The following BTG4 variants were observed in gnomAD, a reference collection of about 807,000 sequenced individuals.
The protein encoded by BTG4 is BTG anti-proliferation factor 4.
BTG4 carries 10 observed loss-of-function variants against 19.3 expected under a neutral mutation model. The observed-to-expected ratio is 0.52, with a 90% CI of 0.32 to 0.88. The LOEUF is 0.88. Ranked by LOEUF, BTG4 falls within the 40% of genes least tolerant of loss-of-function variation. The pLI is 0.04. For missense variants in BTG4, 238 were observed against 281.9 expected (o/e 0.84, Z 1.11); for synonymous variants, 91 against 95.7 (o/e 0.95, Z 0.29).
chr11:111,419,322 T>C, the BTG4 span, among the ~76,000 whole-genome samples: 1 of 152,232 alleles, frequency 6.6e-6, no homozygotes, highest in Non-Finnish European at 1.5e-5. Context: ...ATTAGGCCTG[T>C]AACTGCCTTC....
chr11:111,417,772 GT>G, the BTG4 span: 7 of 152,210 alleles, frequency 4.6e-5, no homozygotes, highest in Admixed American at 2.0e-4. Flanking sequence ...GCATTGAAGC[GT>G]TCTCTCACTC....
intron 5 of BTG4, among the ~76,000 whole-genome samples, chr11:111,479,079 G>A (rs896469975): frequency 6.6e-6 from 1 of 151,916 alleles, no homozygotes; most frequent in Non-Finnish European, 1.5e-5. Context: ...TTAAATTTCT[G>A]AAAACAAAAA....
the BTG4 span, among the ~76,000 whole-genome samples, chr11:111,426,792 G>A: frequency 2.6e-5 from 4 of 152,176 alleles, no homozygotes; most frequent in South Asian, 2.1e-4. Flanking sequence ...AGGCAGGCCC[G>A]GGCAGGTTTG....
the BTG4 span, among the ~76,000 whole-genome samples, chr11:111,413,579 C>T: frequency 6.6e-6 from 1 of 152,216 alleles, no homozygotes; most frequent in African/African-American, 2.4e-5. Context: ...ACAGTCATAC[C>T]TAGTGAGAAA....
exon 6 of BTG4, chr11:111,467,635 T>G (rs753186275): frequency 1.8e-5 from 14 of 764,066 alleles, no homozygotes; most frequent in Non-Finnish European, 3.4e-5. Flanking sequence ...AGGTGCCTTC[T>G]TCTACCAGGT....
the BTG4 span, chr11:111,434,991 C>T: frequency 6.6e-6 from 1 of 152,418 alleles, no homozygotes; most frequent in African/African-American, 2.4e-5. Context: ...TCAGACCTCA[C>T]CTGGCCCTGG....
At chr11:111,495,808 C>T (rs1400669198) in intron 4 of BTG4, among the ~76,000 whole-genome samples, 3 of 152,190 alleles carry the variant, frequency 2.0e-5, no homozygotes, top group African/African-American at 2.4e-5. Flanking sequence ...AGGGCAAATA[C>T]TGTAAATCCT....
the BTG4 span, among the ~76,000 whole-genome samples, chr11:111,407,992 T>G: frequency 6.6e-6 from 1 of 152,188 alleles, no homozygotes; most frequent in Admixed American, 6.5e-5. Context: ...GAGGCCTCCA[T>G]GGCCACAGCC....
chr11:111,444,904 G>T, the BTG4 span, among the ~76,000 whole-genome samples: 1 of 152,100 alleles, frequency 6.6e-6, no homozygotes, highest in Admixed American at 6.5e-5. Flanking sequence ...GAGTGGTCAG[G>T]CTCTCTCCAA....
downstream of BTG4, among the ~76,000 whole-genome samples, chr11:111,465,388 G>A (rs1017047669): frequency 2.6e-5 from 4 of 152,104 alleles, no homozygotes; most frequent in African/African-American, 9.7e-5. Flanking sequence ...ATTTTAAAAT[G>A]ATTAGAGAAA....
intron 5 of BTG4, among the ~76,000 whole-genome samples, chr11:111,478,753 C>T (rs1000589889): frequency 1.3e-4 from 19 of 151,286 alleles, no homozygotes; most frequent in Admixed American, 2.0e-4. Context: ...AACAGTAAAA[C>T]GGAAGAGATA....
chr11:111,415,484 G>A, the BTG4 span, among the ~76,000 whole-genome samples: 1 of 152,212 alleles, frequency 6.6e-6, no homozygotes, highest in Non-Finnish European at 1.5e-5. Flanking sequence ...TCCTGACCTA[G>A]GTCCCAGAGA....
At chr11:111,458,447 A>G in the BTG4 span, among the ~76,000 whole-genome samples, 1 of 152,182 alleles carries the variant, frequency 6.6e-6, no homozygotes, top group East Asian at 1.9e-4. Flanking sequence ...TGCCAATGCC[A>G]TTGAGTTATG....
chr11:111,513,563 G>A (rs1867101398), upstream of BTG4: 1 of 485,784 alleles, frequency 2.1e-6, no homozygotes, highest in African/African-American at 2.0e-5. Flanking sequence ...ATGTGCGTGG[G>A]GAAGAGGGGT....
At chr11:111,423,806 C>T in the BTG4 span, among the ~76,000 whole-genome samples, 140,161 of 152,278 alleles carry the variant, frequency 0.92, 64,852 homozygotes, top group East Asian at 1. Flanking sequence ...CAGCTCCTTA[C>T]ACATAAAGAC....
chr11:111,435,924 T>A, the BTG4 span, among the ~76,000 whole-genome samples: 1 of 152,174 alleles, frequency 6.6e-6, no homozygotes, highest in African/African-American at 2.4e-5. Flanking sequence ...ATTTCCCAAA[T>A]GCTCTTCACC....
At chr11:111,491,556 T>C (rs1865416992), downstream of BTG4, among the ~76,000 whole-genome samples, 1 of 151,956 alleles carries the variant, frequency 6.6e-6, no homozygotes, top group South Asian at 2.1e-4. Flanking sequence ...AAGGCCAGCC[T>C]GGGCAACATA....
chr11:111,431,918 G>A, the BTG4 span, among the ~76,000 whole-genome samples: 1 of 152,176 alleles, frequency 6.6e-6, no homozygotes, highest in Non-Finnish European at 1.5e-5. Context: ...TCCCAGTGGA[G>A]GATACAGACA....
At chr11:111,436,904 C>G in the BTG4 span, among the ~76,000 whole-genome samples, 2 of 152,186 alleles carry the variant, frequency 1.3e-5, no homozygotes, top group African/African-American at 2.4e-5. Context: ...AGATGGCAGA[C>G]AGCATGCCCT....
Sources: gnomAD v4.1 joint callset for allele counts (sites outside exome capture counted in the v4.1 genomes callset) on GRCh38, gnomAD v4.1.1 for gene constraint, MANE v1.5 for transcripts, NCBI Gene and HGNC (gene_info 2026-07-23, HGNC 2026-07-21) for gene names.